The following CAPN13 variants were observed in gnomAD, a reference collection of about 807,000 sequenced individuals.
CAPN13 encodes calpain 13.
CAPN13 carries 90 observed loss-of-function variants against 98.4 expected under a neutral mutation model. That is an observed-to-expected ratio of 0.92 (90% CI 0.77 to 1.09). The LOEUF is 1.09. CAPN13 is among the 50% of genes least tolerant of loss of function. CAPN13 has a pLI of 0.00. For missense variants in CAPN13, 887 were observed against 841.3 expected (o/e 1.05, Z -0.67); for synonymous variants, 330 against 305.5 (o/e 1.08, Z -0.84).
intron 1 of CAPN13, among the ~76,000 whole-genome samples, chr2:30,804,072 G>A (rs1675458562): frequency 6.6e-6 from 1 of 152,206 alleles, no homozygotes; most frequent in African/African-American, 2.4e-5. Flanking sequence ...GGAGGAGAGT[G>A]CCCTGAGAAT....
At chr2:30,770,171 G>A in intron 5 of CAPN13, 142 bp downstream of exon 5, 1 of 1,143,250 alleles carries the variant, frequency 8.7e-7, no homozygotes, top group Non-Finnish European at 1.2e-6. Context: ...CCCCAACATG[G>A]ACCTTTGCAC....
At chr2:30,736,135 G>A (rs1671352505) in intron 18 of CAPN13, among the ~76,000 whole-genome samples, 1 of 148,190 alleles carries the variant, frequency 6.7e-6, no homozygotes, top group African/African-American at 2.5e-5. Flanking sequence ...GAGGCCTCAG[G>A]CCACATCTAT....
intron 8 of CAPN13, among the ~76,000 whole-genome samples, chr2:30,754,909 A>G (rs2147998300): frequency 6.6e-6 from 1 of 152,258 alleles, no homozygotes; most frequent in South Asian, 2.1e-4. Flanking sequence ...ACTGCCATTG[A>G]AATGATCTTT....
At chr2:30,774,802 T>C (rs1673600797) in intron 4 of CAPN13, among the ~76,000 whole-genome samples, 1 of 152,156 alleles carries the variant, frequency 6.6e-6, no homozygotes. Flanking sequence ...AATCAGTTTG[T>C]TTTAAAAAGC....
chr2:30,788,268 T>G (rs1394459048), intron 1 of CAPN13, among the ~76,000 whole-genome samples: 2 of 152,210 alleles, frequency 1.3e-5, no homozygotes, highest in African/African-American at 4.8e-5. Context: ...AGGTTTGTTA[T>G]GATATTAAAT....
intron 5 of CAPN13, among the ~76,000 whole-genome samples, chr2:30,766,225 C>T (rs2148027904): frequency 6.6e-6 from 1 of 152,366 alleles, no homozygotes; most frequent in African/African-American, 2.4e-5. Context: ...TCCAGAAAAG[C>T]CGCGGTGGGG....
intron 1 of CAPN13, among the ~76,000 whole-genome samples, chr2:30,791,472 T>C (rs74849190): frequency 6.6e-6 from 1 of 152,304 alleles, no homozygotes; most frequent in East Asian, 1.9e-4. Flanking sequence ...CATGAAACAC[T>C]CCACAAATAA....
At chr2:30,740,096 T>G (rs11684875) in intron 15 of CAPN13, among the ~76,000 whole-genome samples, 71,967 of 137,892 alleles carry the variant, frequency 0.52, 20,912 homozygotes, top group South Asian at 0.66. Context: ...TTTTTTTTTT[T>G]TTTTTTTTTT....
chr2:30,750,422 T>C (rs1445118332), intron 11 of CAPN13, among the ~76,000 whole-genome samples: 1 of 152,106 alleles, frequency 6.6e-6, no homozygotes, highest in East Asian at 1.9e-4. Context: ...TGTTTACCTA[T>C]GTAAGAAACC....
chr2:30,740,373 G>A (rs915134997), intron 15 of CAPN13, among the ~76,000 whole-genome samples: 6 of 152,180 alleles, frequency 3.9e-5, no homozygotes, highest in African/African-American at 7.2e-5. Flanking sequence ...GATGACAGGC[G>A]TCAGCTACCG....
At chr2:30,760,462 C>A (rs542546151) in intron 7 of CAPN13, among the ~76,000 whole-genome samples, 5 of 152,042 alleles carry the variant, frequency 3.3e-5, no homozygotes, top group African/African-American at 1.2e-4. Flanking sequence ...AAGCAGCCTG[C>A]GATTCAAAGG....
chr2:30,758,068 A>C lies in CAPN13; in HGVS notation c.844T>G (p.Trp282Gly). ...TACCCATCACTCCAGCGCCCTCTCC[A>C]TTCGGCCTCGCCCCAGCCCCAGGGG... ...WNPWGWGEAE[W>G]RGRWSDGSQE... Residue 282 changes from tryptophan (W) to glycine (G), a missense_variant, in exon 8 of 23, where the codon TGG (tryptophan) becomes GGG (glycine). Physicochemically the swap from Trp to Gly is radical, Grantham distance 184. Coordinates refer to ENST00000295055, the MANE Select transcript of CAPN13 (RefSeq NM_144575.3). The C allele has an allele frequency of 6.2e-7, 1 of 1,611,660 alleles. No individual in the cohort carries two copies. The highest frequency in any genetic ancestry group is 1.1e-5 in the South Asian group (1 of 90,386).
chr2:30,766,692 T>C (rs1022805796), intron 5 of CAPN13, among the ~76,000 whole-genome samples: 1 of 152,102 alleles, frequency 6.6e-6, no homozygotes, highest in Non-Finnish European at 1.5e-5. Flanking sequence ...CCGGCAATCA[T>C]ATGAAAGAGG....
At chr2:30,791,265 A>C (rs928273544) in intron 1 of CAPN13, among the ~76,000 whole-genome samples, 44 of 152,222 alleles carry the variant, frequency 2.9e-4, no homozygotes, top group African/African-American at 1.0e-3. Context: ...TAACGGAAAA[A>C]TGATGAGGGC....
In CAPN13 at chr2:30,751,186, C is replaced by A; in HGVS notation, c.1153G>T (p.Val385Phe). Reference protein sequence around the residue: ...VQEPMEGTNVVVCVTVAVTPS... With the variant: ...VQEPMEGTNVFVCVTVAVTPS... ...GTGACAGCAACTGTGACGCACACGA[C>A]AACATTGGTGCCTTCCATTGGCTCT... Residue 385 changes from valine to phenylalanine, a missense_variant, in exon 11 of 23, where the codon GTC becomes TTC. Val to Phe is a conservative substitution (Grantham distance 50, BLOSUM62 -1). Coordinates refer to ENST00000295055, the MANE Select transcript of CAPN13 (RefSeq NM_144575.3). The A allele has an allele frequency of 1.9e-6, 3 of 1,613,986 alleles. No homozygotes were observed. The highest frequency in any genetic ancestry group is 2.5e-6 in the Non-Finnish European group (3 of 1,179,880).
intron 1 of CAPN13, among the ~76,000 whole-genome samples, chr2:30,798,655 G>GGCT (rs2148106452): frequency 6.6e-6 from 1 of 152,324 alleles, no homozygotes; most frequent in Non-Finnish European, 1.5e-5. Flanking sequence ...GCCCTCTCCT[G>GGCT]GCTGGTGTTT....
intron 2 of CAPN13, among the ~76,000 whole-genome samples, chr2:30,786,871 G>A (rs1187569238): frequency 1.3e-5 from 2 of 152,114 alleles, no homozygotes; most frequent in Non-Finnish European, 2.9e-5. Context: ...CCATTTTTTG[G>A]ATGAAAAACT....
At chr2:30,794,909 C>G (rs1400975268) in intron 1 of CAPN13, among the ~76,000 whole-genome samples, 2 of 151,720 alleles carry the variant, frequency 1.3e-5, no homozygotes, top group South Asian at 2.1e-4. Context: ...TTTGAGAAAA[C>G]TTTTGGGGGT....
At position 30,743,428 on chromosome 2, in the gene CAPN13, G is replaced by T; in HGVS notation, c.1400C>A (p.Ala467Glu). The T allele has an allele frequency of 6.2e-7, 1 of 1,613,978 alleles. No homozygotes were observed. The highest frequency in any genetic ancestry group is 8.5e-7 in the Non-Finnish European group (1 of 1,179,864). Residue 467 changes from alanine to glutamate, a missense_variant, in exon 13 of 23, where the codon GCG (alanine) becomes GAG (glutamate). By Grantham distance (107) the Ala-to-Glu change is moderately radical. Coordinates refer to ENST00000295055, the MANE Select transcript of CAPN13 (RefSeq NM_144575.3). The stretch of plus-strand genomic sequence containing the variant: ...CAGGAAGATTCGGAGCAAGAACTCC[G>T]CTGATTTTCTCCGTGTCTGTGCAAC... ...VVVAQTRRKSAEFLLRIFLKM... is the reference protein window; with the variant it reads ...VVVAQTRRKSEEFLLRIFLKM...
Sources: gnomAD v4.1 joint callset for allele counts (sites outside exome capture counted in the v4.1 genomes callset) on GRCh38, gnomAD v4.1.1 for gene constraint, MANE v1.5 for transcripts, NCBI Gene and HGNC (gene_info 2026-07-23, HGNC 2026-07-21) for gene names.